FAAH2: variants seen among roughly 807,000 people sequenced by gnomAD.
FAAH2 encodes the protein fatty-acid amide hydrolase 2.
FAAH2 carries 60 observed loss-of-function variants against 36.9 expected under a neutral mutation model. The ratio of observed to expected loss-of-function variants is 1.63; its 90% CI spans 1.32 to 2.02. The LOEUF (loss-of-function observed/expected upper bound fraction) is 2.02. FAAH2 is among the 30% of genes most tolerant of loss of function. The pLI is 0.00. For synonymous variants in FAAH2, 214 were observed against 143.8 expected (o/e 1.49, Z -3.49); for missense variants, 689 against 397.5 (o/e 1.73, Z -6.23).
the FAAH2 span, among the ~76,000 whole-genome samples, chrX:57,159,204 T>C: frequency 1.8e-5 from 2 of 111,969 alleles, no homozygotes; most frequent in South Asian, 7.5e-4. Flanking sequence ...TCTATATCTC[T>C]GTTTTGGTAC....
chrX:57,135,679 A>T, the FAAH2 span: 7 of 1,088,141 alleles, frequency 6.4e-6, no homozygotes, highest in Non-Finnish European at 8.4e-6. Context: ...TATTTTTTAG[A>T]GCAAAACAAC....
At chrX:57,272,296 T>C in the FAAH2 span, among the ~76,000 whole-genome samples, 90 of 110,339 alleles carry the variant, frequency 8.2e-4, no homozygotes, top group African/African-American at 2.7e-3. Context: ...TATCTGAAAG[T>C]GATGGGGAGA....
intron 2 of FAAH2, among the ~76,000 whole-genome samples, chrX:57,297,102 A>C (rs1287397727): frequency 1.8e-5 from 2 of 109,900 alleles, no homozygotes; most frequent in Non-Finnish European, 3.8e-5. Context: ...AATACAGAGA[A>C]CAGAACAAAA....
intron 10 of FAAH2, among the ~76,000 whole-genome samples, chrX:57,471,565 A>G (rs1321426477): frequency 8.9e-6 from 1 of 111,890 alleles, no homozygotes; most frequent in Non-Finnish European, 1.9e-5. Context: ...AAGGAGAACT[A>G]CAAACCACTG....
the FAAH2 span, among the ~76,000 whole-genome samples, chrX:57,232,762 A>T: frequency 8.9e-6 from 1 of 112,199 alleles, no homozygotes; most frequent in Non-Finnish European, 1.9e-5. Flanking sequence ...ATAAAAATTC[A>T]TTGGCATGCA....
At chrX:57,280,737 T>C in the FAAH2 span, among the ~76,000 whole-genome samples, 2 of 111,901 alleles carry the variant, frequency 1.8e-5, no homozygotes, top group African/African-American at 6.5e-5. Context: ...TTAATACCTT[T>C]GTTCACACAA....
chrX:57,365,776 G>A (rs968468272), intron 5 of FAAH2, among the ~76,000 whole-genome samples: 11 of 111,505 alleles, frequency 9.9e-5, no homozygotes, highest in African/African-American at 3.3e-4. Context: ...CACCATTGTC[G>A]TCCTATGTTG....
chrX:57,205,393 A>T, the FAAH2 span, among the ~76,000 whole-genome samples: 2 of 112,536 alleles, frequency 1.8e-5, no homozygotes, highest in African/African-American at 6.5e-5. Context: ...ATGAGCCCTA[A>T]TATGAGTGAT....
chrX:57,374,046 G>T (rs977135930), intron 5 of FAAH2, among the ~76,000 whole-genome samples: 10 of 111,160 alleles, frequency 9.0e-5, no homozygotes, highest in Non-Finnish European at 1.5e-4. Context: ...TGGATTTGTG[G>T]GTTCTCTATT....
At chrX:57,218,335 T>A in the FAAH2 span, among the ~76,000 whole-genome samples, 3,236 of 111,875 alleles carry the variant, frequency 0.029, 102 homozygotes, top group African/African-American at 0.1. Context: ...TGACTCTGGG[T>A]TTGTCATAGA....
At chrX:57,419,534 T>G (rs2055948913) in intron 7 of FAAH2, among the ~76,000 whole-genome samples, 1 of 112,137 alleles carries the variant, frequency 8.9e-6, no homozygotes, top group African/African-American at 3.2e-5. Context: ...AAGTGTCTGT[T>G]CCCATCCTTC....
the FAAH2 span, among the ~76,000 whole-genome samples, chrX:57,272,581 A>G: frequency 0.37 from 40,541 of 111,068 alleles, 6,334 homozygotes; most frequent in Middle Eastern, 0.62. Flanking sequence ...TACAAGTCAG[A>G]AGAGAGTGGG....
chrX:57,465,169 G>A lies in FAAH2; in HGVS notation c.1423+16451G>A, dbSNP rs758209595. Reference sequence around the variant, plus strand: ...AGAATAAAGAGGAAAGAATCAGCAGGCTTAATGATAGATCAGTTGGCATAA... The same window carrying A: ...AGAATAAAGAGGAAAGAATCAGCAGACTTAATGATAGATCAGTTGGCATAA... On this transcript the variant is annotated intron_variant, in intron 10 of 10. Coordinates refer to ENST00000374900, the MANE Select transcript of FAAH2 (RefSeq NM_174912.4). Among the ~76,000 whole-genome samples, 29 of 111,557 alleles carry A rather than the reference G, an allele frequency of 2.6e-4. No individual in the cohort carries two copies. In the South Asian group the frequency reaches 6.0e-3, roughly 23 times the overall value.
chrX:57,394,413 C>A (rs994698700), intron 7 of FAAH2: 10 of 1,193,069 alleles, frequency 8.4e-6, no homozygotes, highest in African/African-American at 3.5e-5. Flanking sequence ...TATAATTCTA[C>A]CTCTTCAGAC....
intron 10 of FAAH2, among the ~76,000 whole-genome samples, chrX:57,449,603 C>T (rs2147182889): frequency 9.0e-6 from 1 of 111,446 alleles, no homozygotes; most frequent in Admixed American, 9.5e-5. Flanking sequence ...CTTACCCTTA[C>T]TCTCTCCCTG....
intron 8 of FAAH2, among the ~76,000 whole-genome samples, chrX:57,439,223 G>T (rs1363651527): frequency 1.8e-5 from 2 of 109,468 alleles, no homozygotes; most frequent in Admixed American, 9.8e-5. Flanking sequence ...CACCAACAGT[G>T]TAAAAGTGTT....
intron 3 of FAAH2, among the ~76,000 whole-genome samples, chrX:57,326,373 A>G (rs2053217002): frequency 8.7e-6 from 1 of 114,380 alleles, no homozygotes; most frequent in African/African-American, 3.2e-5. Context: ...TGCAGAGCTG[A>G]GTTCAATTCC....
At chrX:57,334,175 C>T (rs760034282) in intron 4 of FAAH2, among the ~76,000 whole-genome samples, 1 of 108,137 alleles carries the variant, frequency 9.2e-6, no homozygotes, top group South Asian at 4.1e-4. Context: ...GAGTCTGGGG[C>T]AAGAGAATTG....
chrX:57,333,753 A>G (rs1347962460), intron 4 of FAAH2, among the ~76,000 whole-genome samples: 2 of 111,810 alleles, frequency 1.8e-5, no homozygotes, highest in Non-Finnish European at 3.8e-5. Flanking sequence ...AAAAAGACAG[A>G]AGAGACTATC....
Sources: gnomAD v4.1 joint callset for allele counts (sites outside exome capture counted in the v4.1 genomes callset) on GRCh38, gnomAD v4.1.1 for gene constraint, MANE v1.5 for transcripts, NCBI Gene and HGNC (gene_info 2026-07-23, HGNC 2026-07-21) for gene names.